ITGB3BP: variants seen among roughly 807,000 people sequenced by gnomAD.
ITGB3BP encodes integrin subunit beta 3 binding protein.
ITGB3BP carries 27 observed loss-of-function variants against 29.1 expected under a neutral mutation model. The observed-to-expected ratio is 0.93, with a 90% CI of 0.68 to 1.28. The LOEUF (loss-of-function observed/expected upper bound fraction) is 1.28. Among genes scored for constraint, ITGB3BP ranks in the 50% most tolerant of loss-of-function variants. ITGB3BP has a pLI of 0.00. For missense variants in ITGB3BP, 192 were observed against 200.2 expected, an observed-to-expected ratio of 0.96 and a Z score of 0.25; for synonymous variants, 61 against 61.4, an observed-to-expected ratio of 0.99 and a Z score of 0.03.
At chr1:63,523,874 T>G (rs1252847819), upstream of ITGB3BP, among the ~76,000 whole-genome samples, 3 of 151,958 alleles carry the variant, frequency 2.0e-5, no homozygotes, top group Non-Finnish European at 4.4e-5. Flanking sequence ...GGCTTTCTGT[T>G]TTCACTTGGC....
At chr1:63,464,990 T>G (rs1309987242) in intron 4 of ITGB3BP, among the ~76,000 whole-genome samples, 1 of 152,178 alleles carries the variant, frequency 6.6e-6, no homozygotes, top group East Asian at 1.9e-4. Flanking sequence ...GATTGAATCC[T>G]GCATCAAGAG....
At chr1:63,480,603 T>A (rs1645421301) in intron 3 of ITGB3BP, among the ~76,000 whole-genome samples, 1 of 151,930 alleles carries the variant, frequency 6.6e-6, no homozygotes, top group South Asian at 2.1e-4. Context: ...ATAATTCCTC[T>A]CATTGTTACT....
Position 63,523,040 on chromosome 1 carries a change from G to T in ITGB3BP, c.5+89C>A, listed in dbSNP as rs761400588. The T allele has an allele frequency of 2.6e-5, 39 of 1,514,090 alleles. No homozygotes were observed. The South Asian group carries it at 3.6e-4, about 14-fold the overall frequency. 93.8% of individuals were successfully genotyped at this position (1,514,090 alleles called of 1,614,324 possible). On this transcript the variant is annotated intron_variant, in intron 1 of 8. Coordinates refer to ENST00000271002, the MANE Select transcript of ITGB3BP (RefSeq NM_014288.5). ...ACAAGTTCATACTCCGAAAAAATAG[G>T]AAAACGAGAAAGGCTACTGGGCCAC...
chr1:63,445,685 C>T (rs1644782560), intron 8 of ITGB3BP, among the ~76,000 whole-genome samples: 1 of 151,284 alleles, frequency 6.6e-6, no homozygotes, highest in Non-Finnish European at 1.5e-5. Context: ...GCCTCTACCA[C>T]GTGGGCTCAA....
Position 63,453,944 on chromosome 1 carries a change from TCAAA to T in ITGB3BP, c.454_457del (p.Phe152LysfsTer24), listed in dbSNP as rs569350949. 1,009 of 1,582,972 alleles carry T rather than the reference TCAAA, an allele frequency of 6.4e-4. 2 individuals are homozygous for T. The highest frequency in any genetic ancestry group is 8.9e-4 in the South Asian group (78 of 87,922). On this transcript the variant is annotated frameshift_variant, in exon 7 of 9. Transcript: ENST00000271002. LOFTEE classifies it high-confidence loss of function. ...TTTGTGAGGAAGTCCTGTACTCTTT[TCAAA>T]CAGTTTTTGTTTATTCACTTTTGTC... is the stretch of plus-strand genomic sequence containing the variant.
chr1:63,501,453 G>C (rs780416578), intron 2 of ITGB3BP, among the ~76,000 whole-genome samples: 13 of 152,168 alleles, frequency 8.5e-5, no homozygotes, highest in Non-Finnish European at 1.6e-4. Flanking sequence ...TCCAGGGGGA[G>C]GGGGAGAGGA....
rs372366487 is a variant in ITGB3BP, at chr1:63,455,176, T to A, written c.255-208A>T. ...GTGGGATGGAAGACATAGTTGGCTG[T>A]TCCTTTCTCCACAATGCCACATTGA... On this transcript the variant is annotated intron_variant, in intron 4 of 8. Coordinates refer to ENST00000271002, the MANE Select transcript of ITGB3BP (RefSeq NM_014288.5). 4.6e-5 allele frequency among the ~76,000 whole-genome samples: 7 copies of A among 152,312 alleles called. No homozygotes were observed. The East Asian group carries it at 1.2e-3, about 25-fold the overall frequency.
chr1:63,472,708 C>T (rs1269176320), intron 4 of ITGB3BP, among the ~76,000 whole-genome samples: 14 of 151,656 alleles, frequency 9.2e-5, no homozygotes, highest in Non-Finnish European at 1.3e-4. Flanking sequence ...AGCTCCTAAC[C>T]GCGAGTGATC....
At chr1:63,465,062 G>A (rs2100552750) in intron 4 of ITGB3BP, among the ~76,000 whole-genome samples, 1 of 152,074 alleles carries the variant, frequency 6.6e-6, no homozygotes, top group East Asian at 1.9e-4. Context: ...CTAGATAACA[G>A]TAATTATATC....
upstream of ITGB3BP, chr1:63,523,233 G>T: frequency 6.5e-7 from 1 of 1,534,674 alleles, no homozygotes; most frequent in Non-Finnish European, 9.0e-7. Flanking sequence ...CATGAAAAGC[G>T]CGCGCTGGAC....
chr1:63,485,557 C>T (rs955077259), intron 3 of ITGB3BP, among the ~76,000 whole-genome samples: 1 of 151,840 alleles, frequency 6.6e-6, no homozygotes, highest in African/African-American at 2.4e-5. Flanking sequence ...AACATGTTTG[C>T]TAATTCACTT....
At chr1:63,474,918 A>AAG (rs1645305908) in intron 4 of ITGB3BP, among the ~76,000 whole-genome samples, 2 of 150,362 alleles carry the variant, frequency 1.3e-5, no homozygotes, top group Non-Finnish European at 2.9e-5. Flanking sequence ...AATAAAATAA[A>AAG]AACAAAACAA....
chr1:63,460,456 A>T (rs1005334115), intron 4 of ITGB3BP, among the ~76,000 whole-genome samples: 1 of 152,206 alleles, frequency 6.6e-6, no homozygotes, highest in Non-Finnish European at 1.5e-5. Context: ...AGATTCTTCA[A>T]TGTTGTAGCA....
intron 7 of ITGB3BP, among the ~76,000 whole-genome samples, chr1:63,448,699 T>C (rs1276308022): frequency 2.0e-5 from 3 of 152,150 alleles, no homozygotes. Flanking sequence ...CAATTTCTAC[T>C]AAATGTGCCA....
rs941092276 is a variant in ITGB3BP at position 63,482,840 on chromosome 1, G to T, written c.185-4007C>A. Among the ~76,000 whole-genome samples the T allele has an allele frequency of 7.9e-5, 12 of 151,910 alleles. No homozygotes were observed. The East Asian group carries it at 2.3e-3, about 29-fold the overall frequency. ...GGCTAATTTTTGTATTTTTAGTAGA[G>T]ACTGGGTTTTGCCATGTTGGCCAGG... On this transcript the variant is annotated intron_variant, in intron 3 of 8. Coordinates refer to ENST00000271002, the MANE Select transcript of ITGB3BP (RefSeq NM_014288.5).
At chr1:63,525,856 C>T, upstream of ITGB3BP, 1 of 832,644 alleles carries the variant, frequency 1.2e-6, no homozygotes, top group Non-Finnish European at 1.8e-6. Context: ...TGAATCATCC[C>T]AGTTTCTTAG....
At chr1:63,481,090 A>C (rs1160310394) in intron 3 of ITGB3BP, among the ~76,000 whole-genome samples, 1 of 152,150 alleles carries the variant, frequency 6.6e-6, no homozygotes, top group East Asian at 1.9e-4. Flanking sequence ...TGCTCCTTTA[A>C]CTTGTAATTC....
At chr1:63,442,409 TGTA>T (rs1242445562) in intron 8 of ITGB3BP, 3 of 152,172 alleles carry the variant, frequency 2.0e-5, no homozygotes, top group African/African-American at 7.2e-5. Flanking sequence ...CCTAATTTCA[TGTA>T]GTAGGGAGAC....
At chr1:63,527,795 A>C (rs1274108858), upstream of ITGB3BP, 1 of 152,164 alleles carries the variant, frequency 6.6e-6, no homozygotes, top group Non-Finnish European at 1.5e-5. Flanking sequence ...TTACCAGTAC[A>C]TTTTTTAAAA....
Sources: allele counts gnomAD v4.1 joint callset (sites outside exome capture counted in the v4.1 genomes callset), GRCh38; gene constraint gnomAD v4.1.1; transcripts MANE v1.5; gene names NCBI Gene and HGNC (gene_info 2026-07-23, HGNC 2026-07-21).